The following FOXP1 variants were observed in gnomAD, a reference collection of about 807,000 sequenced individuals.
FOXP1 encodes the protein forkhead box protein P1.
In FOXP1, 15 loss-of-function variants were observed where a neutral mutation model predicts 98.2. That is an observed-to-expected ratio of 0.15 (90% CI 0.10 to 0.24). FOXP1 has a LOEUF of 0.24. Among genes scored for constraint, FOXP1 ranks in the 10% least tolerant of loss-of-function variants. The pLI is 1.00. For missense variants in FOXP1, 633 were observed against 848.5 expected (o/e 0.75, Z 3.15); for synonymous variants, 371 against 314.5 (o/e 1.18, Z -1.90).
intron 3 of FOXP1, among the ~76,000 whole-genome samples, chr3:71,409,113 C>G (rs935137530): frequency 6.6e-6 from 1 of 152,150 alleles, no homozygotes; most frequent in Non-Finnish European, 1.5e-5. Context: ...ACTTGCTGTT[C>G]TCATTCAGGA....
At chr3:71,008,782 T>C (rs1033261128) in intron 12 of FOXP1, among the ~76,000 whole-genome samples, 2 of 152,004 alleles carry the variant, frequency 1.3e-5, no homozygotes, top group Non-Finnish European at 2.9e-5. Flanking sequence ...TGGGAACAAA[T>C]GCTGCAGAAT....
intron 3 of FOXP1, among the ~76,000 whole-genome samples, chr3:71,480,815 G>T (rs1205190710): frequency 1.3e-5 from 2 of 152,198 alleles, no homozygotes; most frequent in African/African-American, 4.8e-5. Flanking sequence ...TGAGTCCAGT[G>T]TAAGAAAGAA....
intron 2 of FOXP1, among the ~76,000 whole-genome samples, chr3:71,523,560 T>C (rs986730470): frequency 6.6e-6 from 1 of 152,200 alleles, no homozygotes; most frequent in Non-Finnish European, 1.5e-5. Flanking sequence ...GCCACTTAAT[T>C]TTTCTTCATG....
chr3:71,404,214 G>A (rs1044442353), intron 3 of FOXP1, among the ~76,000 whole-genome samples: 9 of 129,576 alleles, frequency 6.9e-5, no homozygotes, highest in Admixed American at 4.7e-4. Context: ...CGCAACCTCC[G>A]CCTCCCAGGT....
chr3:71,535,363 G>A (rs2044203413), intron 2 of FOXP1, among the ~76,000 whole-genome samples: 1 of 152,160 alleles, frequency 6.6e-6, no homozygotes, highest in African/African-American at 2.4e-5. Context: ...GAGAAGCAGA[G>A]GGGCGAGTCT....
Position 70,956,773 on chromosome 3 carries a change from T to TTTTTTTTTTTTGAGAC in FOXP1, c.*2473_*2474insGTCTCAAAAAAAAAAA, listed in dbSNP as rs2031935904. ...TTTTTTTTTTTTTTTTTTTTTTTTT[T>TTTTTTTTTTTTGAGAC]AAAGTCTTGCGTGACCACAGACTGC... On this transcript the variant is annotated 3_prime_UTR_variant, in exon 21 of 21. Coordinates refer to ENST00000649528, the MANE Select transcript of FOXP1 (RefSeq NM_001349338.3). The TTTTTTTTTTTTGAGAC allele has an allele frequency of 6.8e-6, 1 of 146,842 alleles. No individual in the cohort carries two copies. Among genetic ancestry groups the TTTTTTTTTTTTGAGAC allele is most frequent in the African/African-American group, 3.7e-5 (1 of 26,772 alleles). The allele number at this position is 146,842 out of a possible 1,614,324, so 9.1% of individuals were successfully genotyped here. A position where few individuals can be genotyped will look rare whatever the true frequency, so the allele number is the denominator to read the frequency against.
chr3:70,967,875 G>A (rs1238517811), intron 19 of FOXP1, among the ~76,000 whole-genome samples: 2 of 151,664 alleles, frequency 1.3e-5, no homozygotes, highest in African/African-American at 4.8e-5. Context: ...ACTATTCCAA[G>A]GTCAGAATGT....
At chr3:71,472,895 C>T (rs988151274) in intron 3 of FOXP1, among the ~76,000 whole-genome samples, 5 of 152,134 alleles carry the variant, frequency 3.3e-5, no homozygotes, top group South Asian at 2.1e-4. Flanking sequence ...CTCCAGGGCA[C>T]CTTCAATTAG....
intron 7 of FOXP1, among the ~76,000 whole-genome samples, chr3:71,106,953 G>C (rs1162625583): frequency 6.6e-6 from 1 of 151,640 alleles, no homozygotes; most frequent in Non-Finnish European, 1.5e-5. Context: ...ATTATTCACA[G>C]AGATGGGGTT....
chr3:71,015,063 A>C (rs925496735), intron 12 of FOXP1, among the ~76,000 whole-genome samples: 10 of 152,124 alleles, frequency 6.6e-5, no homozygotes, highest in South Asian at 2.1e-4. Context: ...GGTGCAGCAC[A>C]CCAACATGGC....
chr3:71,413,978 G>T (rs980796399), intron 3 of FOXP1, among the ~76,000 whole-genome samples: 5 of 151,972 alleles, frequency 3.3e-5, no homozygotes, highest in African/African-American at 1.2e-4. Context: ...AAGCAGGCAG[G>T]AAGGATGTAG....
intron 5 of FOXP1, among the ~76,000 whole-genome samples, chr3:71,287,564 G>C (rs1413712518): frequency 2.0e-5 from 3 of 151,750 alleles, no homozygotes; most frequent in African/African-American, 7.3e-5. Context: ...CAGATCACTT[G>C]AGATCAGCAG....
chr3:71,435,102 T>C (rs941273211), intron 3 of FOXP1, among the ~76,000 whole-genome samples: 10 of 145,556 alleles, frequency 6.9e-5, no homozygotes, highest in Admixed American at 3.5e-4. Context: ...GAGCTTAAAG[T>C]AAGAGACTTC....
chr3:71,423,826 G>A (rs2083864854), intron 3 of FOXP1, among the ~76,000 whole-genome samples: 1 of 152,192 alleles, frequency 6.6e-6, no homozygotes, highest in South Asian at 2.1e-4. Context: ...AGCTGAGCCT[G>A]AGACATCTTC....
intron 5 of FOXP1, among the ~76,000 whole-genome samples, chr3:71,274,152 T>C (rs1238694042): frequency 6.6e-6 from 1 of 152,222 alleles, no homozygotes; most frequent in South Asian, 2.1e-4. Flanking sequence ...TTGTCTACCA[T>C]GCTGTGAGTT....
chr3:71,498,069 C>T (rs962764051), intron 2 of FOXP1, among the ~76,000 whole-genome samples: 1 of 152,152 alleles, frequency 6.6e-6, no homozygotes, highest in Non-Finnish European at 1.5e-5. Context: ...CTACTAAGTC[C>T]TTTCCAACGC....
At chr3:71,407,265 G>A (rs2082415418) in intron 3 of FOXP1, among the ~76,000 whole-genome samples, 1 of 152,106 alleles carries the variant, frequency 6.6e-6, no homozygotes, top group African/African-American at 2.4e-5. Context: ...AGTAGTGTAT[G>A]TTTCACTGGG....
At chr3:71,148,815 C>T (rs575673396) in intron 6 of FOXP1, among the ~76,000 whole-genome samples, 2 of 152,284 alleles carry the variant, frequency 1.3e-5, no homozygotes, top group African/African-American at 4.8e-5. Flanking sequence ...GGAAATCCTG[C>T]TTTTCCAGTC....
At chr3:70,995,021 G>A (rs1292320882) in intron 13 of FOXP1, among the ~76,000 whole-genome samples, 1 of 151,614 alleles carries the variant, frequency 6.6e-6, no homozygotes, top group Non-Finnish European at 1.5e-5. Context: ...TCTGTCAGAT[G>A]TTTTTTGTAT....
Sources: allele counts gnomAD v4.1 joint callset (sites outside exome capture counted in the v4.1 genomes callset), GRCh38; gene constraint gnomAD v4.1.1; transcripts MANE v1.5; gene names NCBI Gene and HGNC (gene_info 2026-07-23, HGNC 2026-07-21).